CACNB2: variants seen among roughly 807,000 people sequenced by gnomAD.
CACNB2 encodes the protein calcium voltage-gated channel auxiliary subunit beta 2, also known as voltage-dependent L-type calcium channel subunit beta-2.
CACNB2 carries 42 observed loss-of-function variants against 73.3 expected under a neutral mutation model. The observed-to-expected ratio is 0.57, with a 90% confidence interval of 0.45 to 0.74. CACNB2 has a LOEUF of 0.74. Ranked by LOEUF, CACNB2 falls within the 30% of genes least tolerant of loss-of-function variation. CACNB2 has a pLI of 0.00. For synonymous variants in CACNB2, 348 were observed against 310.3 expected (o/e 1.12, Z -1.28); for missense variants, 940 against 853.0 (o/e 1.10, Z -1.27).
At chr10:18,443,453 T>C (rs2046575977) in intron 3 of CACNB2, among the ~76,000 whole-genome samples, 1 of 152,146 alleles carries the variant, frequency 6.6e-6, no homozygotes, top group Non-Finnish European at 1.5e-5. Flanking sequence ...TGTGCTGTTC[T>C]GCCGGGCTTC....
At chr10:18,518,485 C>T in intron 8 of CACNB2, 69 bp downstream of exon 8, 1 of 1,049,630 alleles carries the variant, frequency 9.5e-7, no homozygotes, top group Non-Finnish European at 1.5e-6. Context: ...GCCTCCTACT[C>T]CCGACCCTCT....
chr10:18,208,392 C>T (rs1438589524), intron 2 of CACNB2, among the ~76,000 whole-genome samples: 3 of 152,008 alleles, frequency 2.0e-5, no homozygotes, highest in South Asian at 4.2e-4. Flanking sequence ...GTGGAAGGAT[C>T]GCTTGAGCCT....
chr10:18,355,401 G>A, intron 2 of CACNB2, among the ~76,000 whole-genome samples: 1 of 151,940 alleles, frequency 6.6e-6, no homozygotes, highest in Admixed American at 6.6e-5. Flanking sequence ...TTTAAAAATG[G>A]GACTTCTATA....
intron 2 of CACNB2, among the ~76,000 whole-genome samples, chr10:18,231,521 A>G (rs1385369603): frequency 6.6e-6 from 1 of 152,164 alleles, no homozygotes; most frequent in African/African-American, 2.4e-5. Flanking sequence ...TATGTATTTG[A>G]ATCCTCTTCC....
intron 2 of CACNB2, among the ~76,000 whole-genome samples, chr10:18,266,566 A>C (rs2037811806): frequency 6.6e-6 from 1 of 151,936 alleles, no homozygotes; most frequent in Non-Finnish European, 1.5e-5. Context: ...ACTTTTTACA[A>C]GTGATCAGAA....
intron 5 of CACNB2, among the ~76,000 whole-genome samples, chr10:18,503,712 G>A (rs2050333884): frequency 6.6e-6 from 1 of 152,168 alleles, no homozygotes; most frequent in African/African-American, 2.4e-5. Flanking sequence ...AGCTGGGGGT[G>A]TTTTGTTTTT....
intron 2 of CACNB2, among the ~76,000 whole-genome samples, chr10:18,359,417 G>T (rs2042056425): frequency 6.6e-6 from 1 of 152,018 alleles, no homozygotes; most frequent in Non-Finnish European, 1.5e-5. Context: ...GACTACAGGT[G>T]TGTGCCACCA....
intron 2 of CACNB2, among the ~76,000 whole-genome samples, chr10:18,193,091 T>C (rs1220002546): frequency 6.6e-6 from 1 of 152,192 alleles, no homozygotes; most frequent in East Asian, 1.9e-4. Context: ...CATGTGATGT[T>C]TTGATACATT....
intron 2 of CACNB2, chr10:18,261,217 G>A (rs1038325587): frequency 6.5e-7 from 1 of 1,550,094 alleles, no homozygotes; most frequent in African/African-American, 1.4e-5. Flanking sequence ...GAGAAGACAA[G>A]GCACAGTGCA....
At chr10:18,198,039 G>T (rs2034705403) in intron 2 of CACNB2, among the ~76,000 whole-genome samples, 2 of 146,828 alleles carry the variant, frequency 1.4e-5, no homozygotes, top group Admixed American at 6.9e-5. Context: ...ATAATATACA[G>T]AAAATATACA....
At chr10:18,167,003 A>G (rs1426031688) in intron 2 of CACNB2, among the ~76,000 whole-genome samples, 1 of 152,334 alleles carries the variant, frequency 6.6e-6, no homozygotes, top group South Asian at 2.1e-4. Context: ...CCGCTCATTG[A>G]GAATAAGACT....
chr10:18,397,245 T>C (rs1436212326), intron 2 of CACNB2, among the ~76,000 whole-genome samples: 1 of 152,152 alleles, frequency 6.6e-6, no homozygotes, highest in Non-Finnish European at 1.5e-5. Flanking sequence ...GGTGGGCAGA[T>C]CACCTGAGGT....
intron 3 of CACNB2, among the ~76,000 whole-genome samples, chr10:18,419,966 C>G (rs2045229006): frequency 1.3e-5 from 2 of 152,138 alleles, no homozygotes; most frequent in Admixed American, 1.3e-4. Flanking sequence ...TTTAAAATAT[C>G]AGGACATTTC....
At chr10:18,304,330 C>T (rs983666522) in intron 2 of CACNB2, among the ~76,000 whole-genome samples, 1 of 152,016 alleles carries the variant, frequency 6.6e-6, no homozygotes, top group African/African-American at 2.4e-5. Context: ...ACACAATGGG[C>T]AAGTATATTA....
chr10:18,360,640 C>T (rs1379134388), intron 2 of CACNB2, among the ~76,000 whole-genome samples: 1 of 152,174 alleles, frequency 6.6e-6, no homozygotes, highest in Non-Finnish European at 1.5e-5. Context: ...AACTGAGGCA[C>T]AGAACTTTAA....
At chr10:18,523,175 T>G (rs2052096631) in intron 9 of CACNB2, among the ~76,000 whole-genome samples, 1 of 152,210 alleles carries the variant, frequency 6.6e-6, no homozygotes. Context: ...TTCTTTATCC[T>G]TGGCTCTGTC....
intron 2 of CACNB2, among the ~76,000 whole-genome samples, chr10:18,376,113 A>T (rs2042788168): frequency 6.6e-6 from 1 of 152,198 alleles, no homozygotes; most frequent in Non-Finnish European, 1.5e-5. Context: ...CAGCAGATGA[A>T]TGGATAAAGA....
At position 18,400,968 on chromosome 10, in the gene CACNB2, C is replaced by T. The variant is rs1436405469; in HGVS notation, c.214-956C>T. Reference sequence around the variant, plus strand: ...AAAGGAGCTGGGGTTCTCCGGGGCTCAGCGCGCACTGAGAACCTGTGCCCG... The same window carrying T: ...AAAGGAGCTGGGGTTCTCCGGGGCTTAGCGCGCACTGAGAACCTGTGCCCG... On this transcript the variant is annotated intron_variant, in intron 2 of 13. Coordinates refer to ENST00000324631, the MANE Select transcript of CACNB2 (RefSeq NM_201596.3). 3.7e-6 allele frequency: 6 copies of T among 1,611,972 alleles called. No homozygotes were observed. The East Asian group carries it at 6.7e-5, about 18-fold the overall frequency.
At chr10:18,220,158 C>CAG (rs1564353448) in intron 2 of CACNB2, among the ~76,000 whole-genome samples, 888 of 47,450 alleles carry the variant, frequency 0.019, 56 homozygotes, top group African/African-American at 0.14. Flanking sequence ...TATATATACA[C>CAG]ACACACACAC....
Sources: allele counts gnomAD v4.1 joint callset (sites outside exome capture counted in the v4.1 genomes callset), GRCh38; gene constraint gnomAD v4.1.1; transcripts MANE v1.5; gene names NCBI Gene and HGNC (gene_info 2026-07-23, HGNC 2026-07-21).